The following GNA13 variants were observed in gnomAD, a reference collection of about 807,000 sequenced individuals.
GNA13 encodes the protein guanine nucleotide-binding protein subunit alpha-13.
In GNA13, 4 loss-of-function variants were observed where a neutral mutation model predicts 33.5. That is an observed-to-expected ratio of 0.12 (90% confidence interval 0.06 to 0.27). The LOEUF (loss-of-function observed/expected upper bound fraction) is 0.27, where lower values mean the gene tolerates loss of function less well. GNA13 is among the 10% of genes least tolerant of loss of function. The pLI is 1.00. For synonymous variants in GNA13, 176 were observed against 183.8 expected, an observed-to-expected ratio of 0.96 and a Z score of 0.34; for missense variants, 319 against 487.2, an observed-to-expected ratio of 0.65 and a Z score of 3.25.
intron 2 of GNA13, 116 bp downstream of exon 2, chr17:65,053,386 T>A (rs368683995): frequency 6.2e-4 from 428 of 687,388 alleles, no homozygotes; most frequent in East Asian, 7.8e-4. Context: ...TGTTCCTCCA[T>A]CTCAAATACT....
intron 2 of GNA13, 29 bp from the exon 3 acceptor site, chr17:65,018,332 T>C (rs377173744): frequency 1.2e-4 from 130 of 1,085,032 alleles, no homozygotes; most frequent in Middle Eastern, 2.0e-4. Flanking sequence ...CAAATAGTTA[T>C]TAGGGCTTAG....
At chr17:65,037,777 G>GAAA (rs145051963) in intron 2 of GNA13, among the ~76,000 whole-genome samples, 8,225 of 81,890 alleles carry the variant, frequency 0.1, 2,318 homozygotes, top group African/African-American at 0.19. Flanking sequence ...CTACAAAAAT[G>GAAA]GAAAAAAAAA....
chr17:65,017,704 T>C (rs1051890366), intron 3 of GNA13, among the ~76,000 whole-genome samples: 4 of 152,152 alleles, frequency 2.6e-5, no homozygotes, highest in African/African-American at 9.7e-5. Flanking sequence ...CTTCAGCCTT[T>C]TAAATCTAGC....
intron 2 of GNA13, among the ~76,000 whole-genome samples, chr17:65,045,953 T>G (rs991101822): frequency 6.6e-6 from 1 of 152,168 alleles, no homozygotes; most frequent in African/African-American, 2.4e-5. Context: ...TAAAATGGTT[T>G]GGTGGCCAGA....
chr17:65,053,578 T>C lies in GNA13; in HGVS notation c.434A>G (p.Tyr145Cys). Residue 145 changes from tyrosine (Y) to cysteine (C), a missense_variant, in exon 2 of 4, where the codon TAT becomes TGT. Transcript: ENST00000439174. ...GMVETRVFLQ[Y>C]LPAIRALWAD... ...CCATAATGCTCTTATAGCAGGAAGA[T>C]ATTGTAAGAAAACCCTTGTTTCCAC... 6.2e-7 allele frequency: 1 copy of C among 1,614,030 alleles called. No homozygotes were observed. Among genetic ancestry groups the C allele is most frequent in the Non-Finnish European group, 8.5e-7 (1 of 1,179,882 alleles).
intron 2 of GNA13, among the ~76,000 whole-genome samples, chr17:65,018,728 C>A (rs891442563): frequency 2.0e-5 from 3 of 152,070 alleles, no homozygotes; most frequent in Admixed American, 1.3e-4. Context: ...CAGAGACAAA[C>A]CAAACCAGAG....
chr17:65,049,395 AC>A (rs1490871820), intron 2 of GNA13, among the ~76,000 whole-genome samples: 6 of 152,342 alleles, frequency 3.9e-5, no homozygotes, highest in African/African-American at 1.4e-4. Flanking sequence ...AGCTGGGATT[AC>A]AGGTATTTTA....
intron 2 of GNA13, among the ~76,000 whole-genome samples, chr17:65,025,544 T>C (rs530269858): frequency 6.6e-6 from 1 of 152,206 alleles, no homozygotes; most frequent in African/African-American, 2.4e-5. Context: ...GGAAAAGTTA[T>C]CGTTAAGTGC....
In GNA13 at chr17:65,014,730, C is replaced by G. The variant is rs1062597; in HGVS notation, c.661G>C (p.Val221Leu). Residue 221 changes from valine (V) to leucine (L), a missense_variant, in exon 4 of 4, where the codon GTT becomes CTT. Physicochemically the swap from Val to Leu is conservative, Grantham distance 32. This residue lies in a region of GNA13 where 134 missense variants were observed against 241.3 expected (regional missense o/e 0.56). Transcript: ENST00000439174. This position sits in a 1 kb window ranked among gnomAD's most constrained non-coding sequence, Gnocchi z 5.3. ...FEIKNVPFKMVDVGGQRSERK... is the reference protein window; with the variant it reads ...FEIKNVPFKMLDVGGQRSERK... ...TCTGATCTCTGACCACCTACATCAA[C>G]CATTTTGAAAGGAACATTTTTTATT... 3.1e-3 allele frequency: 5,074 copies of G among 1,613,870 alleles called. 5 individuals are homozygous for G. The highest frequency in any genetic ancestry group is 8.7e-3 in the Middle Eastern group (53 of 6,062).
chr17:65,047,407 T>C (rs1289777714), intron 2 of GNA13, among the ~76,000 whole-genome samples: 2 of 152,070 alleles, frequency 1.3e-5, no homozygotes, highest in African/African-American at 4.8e-5. Flanking sequence ...ATTAATAAAG[T>C]AAGATAAAAA....
Position 65,014,881 on chromosome 17 carries a change from T to C in GNA13, c.562-52A>G. The C allele has an allele frequency of 9.4e-7, 1 of 1,062,304 alleles. No individual in the cohort carries two copies. Among genetic ancestry groups the C allele is most frequent in the Non-Finnish European group, 1.4e-6 (1 of 710,828 alleles). 65.8% of individuals were successfully genotyped at this position (1,062,304 alleles called of 1,614,324 possible). A position where few individuals can be genotyped will look rare whatever the true frequency, so the allele number is the denominator to read the frequency against. ...CCTATTAATCCCGAAGTAATGCGAATTTTTAATGGACTACTAACTGGACTA... is the reference window on the plus strand; with the variant it reads ...CCTATTAATCCCGAAGTAATGCGAACTTTTAATGGACTACTAACTGGACTA... On this transcript the variant is annotated intron_variant, in intron 3 of 3. Transcript: ENST00000439174. The surrounding 1 kb of genome is among the most constrained non-coding windows in gnomAD (Gnocchi z 5.3).
At chr17:65,031,919 A>AGT (rs1907050606) in intron 2 of GNA13, among the ~76,000 whole-genome samples, 37 of 125,576 alleles carry the variant, frequency 2.9e-4, no homozygotes, top group African/African-American at 9.8e-4. Flanking sequence ...AGAGAGAGAG[A>AGT]GAGTGTGTGT....
chr17:65,047,021 C>A (rs865969533), intron 2 of GNA13, among the ~76,000 whole-genome samples: 4 of 152,160 alleles, frequency 2.6e-5, no homozygotes, highest in Middle Eastern at 6.8e-3. Context: ...TGCATGCACA[C>A]ACACTTCACA....
rs1382821994 is a variant in GNA13, at chr17:65,013,722, A to C, written c.*535T>G. 1 of 208,454 alleles carries C rather than the reference A, an allele frequency of 4.8e-6. No homozygotes were observed. The highest frequency in any genetic ancestry group is 9.8e-6 in the Non-Finnish European group (1 of 102,286). The allele number at this position is 208,454 out of a possible 1,614,324, so 12.9% of individuals were successfully genotyped here. On this transcript the variant is annotated 3_prime_UTR_variant, in exon 4 of 4. Coordinates refer to ENST00000439174, the MANE Select transcript of GNA13 (RefSeq NM_006572.6). ...GCTGTTGTGTATACAAGCAATTAAA[A>C]TATGAAGGCTAAACCTTCTATAAAC... is the stretch of plus-strand genomic sequence containing the variant.
chr17:65,029,365 C>T (rs376277568), intron 2 of GNA13, among the ~76,000 whole-genome samples: 9 of 152,298 alleles, frequency 5.9e-5, no homozygotes, highest in African/African-American at 2.2e-4. Flanking sequence ...ACCTCTCCTT[C>T]TGGGGTTCTT....
At chr17:65,054,148 C>T (rs1907952823) in intron 1 of GNA13, among the ~76,000 whole-genome samples, 1 of 152,190 alleles carries the variant, frequency 6.6e-6, no homozygotes, top group African/African-American at 2.4e-5. Context: ...TTATGAAACA[C>T]TAAGAACCAA....
chr17:65,054,976 TTCTC>T (rs926537871), intron 1 of GNA13, among the ~76,000 whole-genome samples: 3 of 151,804 alleles, frequency 2.0e-5, no homozygotes, highest in Non-Finnish European at 2.9e-5. Context: ...GGTCTAGTGA[TTCTC>T]TCTAATTCAT....
intron 2 of GNA13, among the ~76,000 whole-genome samples, chr17:65,036,540 T>C (rs1421272579): frequency 2.0e-5 from 3 of 152,196 alleles, no homozygotes; most frequent in African/African-American, 7.2e-5. Context: ...ACCCTGTCTC[T>C]ATTAAAACTA....
intron 2 of GNA13, among the ~76,000 whole-genome samples, chr17:65,022,885 C>T (rs1363724359): frequency 1.3e-5 from 2 of 152,222 alleles, no homozygotes; most frequent in African/African-American, 4.8e-5. Flanking sequence ...AGAGCAGCTG[C>T]TCAGAGTTGA....
Sources: gnomAD v4.1 joint callset for allele counts (sites outside exome capture counted in the v4.1 genomes callset) on GRCh38, gnomAD v4.1.1 for gene constraint, gnomAD v4.1.1 regional missense constraint, Gnocchi (gnomAD v3.1) non-coding constraint, MANE v1.5 for transcripts, NCBI Gene and HGNC (gene_info 2026-07-23, HGNC 2026-07-21) for gene names.